Variants in ASNSD1 observed in about 807,000 individuals in gnomAD.
The protein encoded by ASNSD1 is asparagine synthetase domain containing 1.
Under a neutral mutation model 48.3 loss-of-function variants are expected in ASNSD1, and 36 were observed. The ratio of observed to expected loss-of-function variants is 0.75; its 90% CI spans 0.57 to 0.99. The LOEUF (loss-of-function observed/expected upper bound fraction) is 0.99. Among genes scored for constraint, ASNSD1 ranks in the 50% least tolerant of loss-of-function variants. The probability of loss-of-function intolerance (pLI) is 0.00; values close to 1 mark genes in which losing one functional copy is unlikely to be tolerated. For synonymous variants in ASNSD1, 257 were observed against 262.1 expected (o/e 0.98, Z 0.19); for missense variants, 714 against 758.2 (o/e 0.94, Z 0.69).
At chr2:189,661,861 G>C (rs986990756) in intron 1 of ASNSD1, among the ~76,000 whole-genome samples, 5 of 152,160 alleles carry the variant, frequency 3.3e-5, no homozygotes, top group Admixed American at 6.5e-5. Context: ...AGTTTTGGTT[G>C]GGTGTTTTCC....
At chr2:189,662,994 A>G (rs1175170864) in intron 1 of ASNSD1, among the ~76,000 whole-genome samples, 2 of 150,154 alleles carry the variant, frequency 1.3e-5, no homozygotes, top group Non-Finnish European at 3.0e-5. Context: ...TGCCAGCTCT[A>G]TGCTAGTCAT....
intron 2 of ASNSD1, among the ~76,000 whole-genome samples, chr2:189,664,338 G>C (rs1441951878): frequency 6.6e-6 from 1 of 152,112 alleles, no homozygotes; most frequent in African/African-American, 2.4e-5. Flanking sequence ...GAACAAAAAA[G>C]GATACATTGC....
chr2:189,668,898 TTAAG>T (rs1301569496), intron 5 of ASNSD1, among the ~76,000 whole-genome samples: 2 of 152,222 alleles, frequency 1.3e-5, no homozygotes, highest in African/African-American at 4.8e-5. Flanking sequence ...TTCTAAAACA[TTAAG>T]TAAGGATAAA....
intron 2 of ASNSD1, among the ~76,000 whole-genome samples, chr2:189,664,833 A>C (rs199692393): frequency 2.0e-5 from 3 of 151,946 alleles, no homozygotes; most frequent in South Asian, 4.1e-4. Context: ...ATTCAAAACT[A>C]TAACACTTTG....
rs1436425628 is a variant in ASNSD1, at chr2:189,662,013, A to T, written c.-223+403A>T. Among the ~76,000 whole-genome samples, 98 of 152,076 alleles carry T rather than the reference A, an allele frequency of 6.4e-4. 1 individual carries two copies. The highest frequency in any genetic ancestry group is 2.9e-5 in the Non-Finnish European group (2 of 68,010). Reference sequence around the variant, plus strand: ...TGGAAGCCTATCAGTTCTACCTTTGAAGCTCATTTCAAATATGTCCCTTTA... The same window carrying T: ...TGGAAGCCTATCAGTTCTACCTTTGTAGCTCATTTCAAATATGTCCCTTTA... On this transcript the variant is annotated intron_variant, in intron 1 of 5. Transcript: ENST00000260952.
At chr2:189,670,165 C>G (rs1190243325) in intron 5 of ASNSD1, among the ~76,000 whole-genome samples, 1 of 139,048 alleles carries the variant, frequency 7.2e-6, no homozygotes. Flanking sequence ...CAAAGATTAG[C>G]TGGGTGCGGT....
At chr2:189,662,880 T>G (rs1041078274) in intron 1 of ASNSD1, among the ~76,000 whole-genome samples, 1 of 138,402 alleles carries the variant, frequency 7.2e-6, no homozygotes, top group African/African-American at 2.8e-5. Context: ...CCCGGGAAGA[T>G]CAAAGCTGCA....
intron 2 of ASNSD1, 69 bp downstream of exon 2, chr2:189,664,023 TAAG>T (rs2032732159): frequency 2.7e-6 from 1 of 365,472 alleles, no homozygotes; most frequent in African/African-American, 2.1e-5. Context: ...ATTAAAGTTA[TAAG>T]AAGTATATAT....
In ASNSD1 at chr2:189,670,800, A is replaced by C. The variant is rs1208006769; in HGVS notation, c.*74A>C. 26 of 1,080,440 alleles carry C rather than the reference A, an allele frequency of 2.4e-5. No individual in the cohort carries two copies. The Admixed American group carries it at 2.9e-4, about 12-fold the overall frequency. The allele number at this position is 1,080,440 out of a possible 1,614,324, so 66.9% of individuals were successfully genotyped here. A position where few individuals can be genotyped will look rare whatever the true frequency, so the allele number is the denominator to read the frequency against. On this transcript the variant is annotated 3_prime_UTR_variant, in exon 6 of 6. Coordinates refer to ENST00000260952, the MANE Select transcript of ASNSD1 (RefSeq NM_019048.4). ...TAAAAGTAAGATACTCTGCTGCTTT[A>C]CTATTGTATAACATAGTAGTTTTAA... is the stretch of plus-strand genomic sequence containing the variant.
chr2:189,666,465 C>T lies in ASNSD1; in HGVS notation c.333C>T (p.Leu111=), dbSNP rs1489427618. The T allele has an allele frequency of 9.9e-6, 16 of 1,613,550 alleles. No individual in the cohort carries two copies. The highest frequency in any genetic ancestry group is 1.3e-5 in the Non-Finnish European group (15 of 1,179,788). ...AGAATGAATCTGAGATTTTGTCACT[C>T]TTCTCAGAAGTACAAGGTCCCTGGT... ...SCKNESEILS[L]FSEVQGPWSF... Residue 111 remains leucine (L), a synonymous_variant, in exon 4 of 6, where the codon CTC becomes CTT. Coordinates refer to ENST00000260952, the MANE Select transcript of ASNSD1 (RefSeq NM_019048.4).
intron 5 of ASNSD1, among the ~76,000 whole-genome samples, chr2:189,670,140 C>T (rs1035530626): frequency 2.0e-5 from 3 of 148,820 alleles, no homozygotes; most frequent in Non-Finnish European, 4.4e-5. Flanking sequence ...GAAATCTCAT[C>T]TCTACCAACA....
Position 189,670,598 on chromosome 2 carries a change from C to T in ASNSD1, c.1804C>T (p.Arg602Trp), listed in dbSNP as rs1286150208. The change falls in exon 6 of 6, where the codon CGG becomes TGG. Residue 602 changes from arginine (R) to tryptophan (W), a missense_variant. Coordinates refer to ENST00000260952, the MANE Select transcript of ASNSD1 (RefSeq NM_019048.4). ...GLTASALLPK[R>W]AMQFGSRIAK... Reference sequence around the variant, plus strand: ...TACAGCCTCTGCTCTTCTGCCCAAACGGGCCATGCAGTTTGGATCAAGAAT... The same window carrying T: ...TACAGCCTCTGCTCTTCTGCCCAAATGGGCCATGCAGTTTGGATCAAGAAT... 2.0e-5 allele frequency: 33 copies of T among 1,613,834 alleles called. No individual in the cohort carries two copies. The highest frequency in any genetic ancestry group is 1.1e-4 in the East Asian group (5 of 44,858).
chr2:189,668,043 A>T (rs1313790458), intron 5 of ASNSD1, 98 bp downstream of exon 5: 5 of 1,174,868 alleles, frequency 4.3e-6, no homozygotes, highest in Non-Finnish European at 4.8e-6. Flanking sequence ...GAGACTGTTC[A>T]CATGAATAAG....
chr2:189,664,162 A>G (rs1039400445), intron 2 of ASNSD1, among the ~76,000 whole-genome samples: 2 of 152,198 alleles, frequency 1.3e-5, no homozygotes, highest in African/African-American at 4.8e-5. Context: ...ATCATATGCC[A>G]TTCACATTGC....
intron 1 of ASNSD1, among the ~76,000 whole-genome samples, 173 bp from the exon 2 acceptor site, chr2:189,663,728 C>G (rs2032725891): frequency 6.6e-6 from 1 of 152,172 alleles, no homozygotes; most frequent in Admixed American, 6.5e-5. Context: ...ACTGTACCCC[C>G]ACACAGAGAC....
At position 189,665,873 on chromosome 2, in the gene ASNSD1, T is replaced by C. The variant is rs139351549; in HGVS notation, c.-92-168T>C. 1.0e-3 allele frequency among the ~76,000 whole-genome samples: 159 copies of C among 152,116 alleles called. 2 individuals carry two copies. Among genetic ancestry groups the C allele is most frequent in the African/African-American group, 3.4e-3 (141 of 41,508 alleles). On this transcript the variant is annotated intron_variant, in intron 3 of 5. Transcript: ENST00000260952. ...AAACAGAAGCTATTTTTCTAAAAGATAAACATTCTTTATTAGTAGCCTGTT... is the reference window on the plus strand; with the variant it reads ...AAACAGAAGCTATTTTTCTAAAAGACAAACATTCTTTATTAGTAGCCTGTT...
Position 189,670,426 on chromosome 2 carries a change from A to T in ASNSD1, c.1647-15A>T. 1 of 1,585,654 alleles carries T rather than the reference A, an allele frequency of 6.3e-7. No individual in the cohort carries two copies. Among genetic ancestry groups the T allele is most frequent in the Non-Finnish European group, 8.6e-7 (1 of 1,159,676 alleles). The stretch of plus-strand genomic sequence containing the variant: ...TTTATTTTTACATAGTGGTTATATT[A>T]TCTGTCTATTTTAGATTTCCTTTCC... On this transcript the variant is annotated splice_polypyrimidine_tract_variant and intron_variant, in intron 5 of 5. Coordinates refer to ENST00000260952, the MANE Select transcript of ASNSD1 (RefSeq NM_019048.4).
Position 189,670,733 on chromosome 2 carries a change from TC to T in ASNSD1, c.*8del, listed in dbSNP as rs1218633086. Reference sequence around the variant, plus strand: ...AAAGGAGACTAAATTGTAATGTGATTCACAATGTAACAATATAAAAATAAGT... The same window carrying T: ...AAAGGAGACTAAATTGTAATGTGATTACAATGTAACAATATAAAAATAAGT... On this transcript the variant is annotated 3_prime_UTR_variant, in exon 6 of 6. Transcript: ENST00000260952. 6.5e-7 allele frequency: 1 copy of T among 1,539,334 alleles called. No homozygotes were observed. The highest frequency in any genetic ancestry group is 8.7e-7 in the Non-Finnish European group (1 of 1,142,994).
chr2:189,665,523 C>T (rs1378899391), intron 3 of ASNSD1, 72 bp downstream of exon 3: 2 of 366,290 alleles, frequency 5.5e-6, no homozygotes, highest in East Asian at 7.7e-5. Flanking sequence ...AAATATATAT[C>T]TAAAGATTAA....
Sources: gnomAD v4.1 joint callset for allele counts (sites outside exome capture counted in the v4.1 genomes callset) on GRCh38, gnomAD v4.1.1 for gene constraint, MANE v1.5 for transcripts, NCBI Gene and HGNC (gene_info 2026-07-23, HGNC 2026-07-21) for gene names.